Variants in CAT observed in about 807,000 individuals in gnomAD.
The protein encoded by CAT is catalase.
In CAT, 43 loss-of-function variants were observed where a neutral mutation model predicts 59.0. The observed-to-expected ratio is 0.73, with a 90% CI of 0.57 to 0.94. The LOEUF (loss-of-function observed/expected upper bound fraction) is 0.94, where lower values mean the gene tolerates loss of function less well. Among genes scored for constraint, CAT ranks in the 40% least tolerant of loss-of-function variants. The pLI is 0.00. For missense variants in CAT, 664 were observed against 682.9 expected, an observed-to-expected ratio of 0.97 and a Z score of 0.31; for synonymous variants, 218 against 230.9, an observed-to-expected ratio of 0.94 and a Z score of 0.51.
At chr11:34,447,042 C>T (rs1033206371) in intron 1 of CAT, among the ~76,000 whole-genome samples, 2 of 152,168 alleles carry the variant, frequency 1.3e-5, no homozygotes, top group African/African-American at 4.8e-5. Flanking sequence ...CCGCGCCCAG[C>T]CTGGATGTCC....
At chr11:34,445,656 A>G (rs903663979) in intron 1 of CAT, among the ~76,000 whole-genome samples, 2 of 152,050 alleles carry the variant, frequency 1.3e-5, no homozygotes, top group Non-Finnish European at 2.9e-5. Flanking sequence ...TATGGATGTC[A>G]TGGGAGCTAG....
At chr11:34,448,779 T>C (rs537744061) in intron 1 of CAT, among the ~76,000 whole-genome samples, 5 of 152,224 alleles carry the variant, frequency 3.3e-5, no homozygotes, top group African/African-American at 1.2e-4. Flanking sequence ...AAGTTCTGAG[T>C]AAAGTATTGA....
chr11:34,453,510 G>T (rs576686881), intron 5 of CAT, among the ~76,000 whole-genome samples: 1 of 152,284 alleles, frequency 6.6e-6, no homozygotes, highest in African/African-American at 2.4e-5. Flanking sequence ...AAACAAATTT[G>T]CTATGCAAAT....
chr11:34,461,728 A>G (rs529761691), intron 9 of CAT, among the ~76,000 whole-genome samples: 1 of 152,354 alleles, frequency 6.6e-6, no homozygotes, highest in Admixed American at 6.5e-5. Context: ...AAGACACTTC[A>G]CCAAAATGGA....
At position 34,444,028 on chromosome 11, in the gene CAT, G is replaced by T. The variant is rs752447123; in HGVS notation, c.66+4949G>T. On this transcript the variant is annotated intron_variant, in intron 1 of 12. Coordinates refer to ENST00000241052, the MANE Select transcript of CAT (RefSeq NM_001752.4). ...TTTTTAGCTTTTGCATGGTGGGTAG[G>T]TCTATGCAAACCTACCCCCAAAGTC... Among the ~76,000 whole-genome samples, 5 of 152,094 alleles carry T rather than the reference G, an allele frequency of 3.3e-5. No homozygotes were observed. The South Asian group carries it at 6.2e-4, about 19-fold the overall frequency.
At chr11:34,453,726 T>C in intron 5 of CAT, 75 bp from the exon 6 acceptor site, 1 of 1,422,940 alleles carries the variant, frequency 7.0e-7, no homozygotes, top group African/African-American at 1.4e-5. Flanking sequence ...TTCTGGAAAC[T>C]AAGGAATATC....
intron 4 of CAT, 123 bp from the exon 5 acceptor site, chr11:34,452,966 TA>T: frequency 1.4e-6 from 1 of 714,682 alleles, no homozygotes; most frequent in Non-Finnish European, 2.5e-6. Context: ...TTTGGCAGTT[TA>T]AAATTCTAGG....
chr11:34,455,757 A>G (rs752574450), intron 6 of CAT, among the ~76,000 whole-genome samples: 3 of 152,248 alleles, frequency 2.0e-5, no homozygotes, highest in Non-Finnish European at 4.4e-5. Flanking sequence ...GAATACATAA[A>G]GGGAAAGATA....
chr11:34,468,372 C>G lies in CAT; in HGVS notation c.1411C>G (p.Gln471Glu). Residue 471 changes from glutamine (Q) to glutamate (E), a missense_variant, in exon 11 of 13, where the codon CAA (glutamine) becomes GAA (glutamate). Physicochemically the swap from Gln to Glu is conservative, Grantham distance 29. Transcript: ENST00000241052. Reference sequence around the variant, plus strand: ...CATTGCCGGCCACCTGAAGGATGCACAAATTTTCATCCAGAAGAAAGCGGT... The same window carrying G: ...CATTGCCGGCCACCTGAAGGATGCAGAAATTTTCATCCAGAAGAAAGCGGT... ...ENIAGHLKDA[Q>E]IFIQKKAVKN... is the part of the protein sequence containing the mutation. 6.2e-7 allele frequency: 1 copy of G among 1,613,756 alleles called. No individual in the cohort carries two copies. Among genetic ancestry groups the G allele is most frequent in the Non-Finnish European group, 8.5e-7 (1 of 1,179,692 alleles).
At chr11:34,470,443 G>A (rs1381981563) in intron 11 of CAT, among the ~76,000 whole-genome samples, 1 of 152,036 alleles carries the variant, frequency 6.6e-6, no homozygotes, top group African/African-American at 2.4e-5. Flanking sequence ...TGAAATTATT[G>A]GCTATGGGTG....
At chr11:34,461,483 C>A in intron 9 of CAT, 94 bp downstream of exon 9, 1 of 1,435,036 alleles carries the variant, frequency 7.0e-7, no homozygotes, top group Non-Finnish European at 9.8e-7. Flanking sequence ...AAGCTGGCCC[C>A]GCAGGACCTC....
rs141451783 is a variant in CAT at position 34,471,512 on chromosome 11, G to T, written c.*79G>T. 1.7e-6 allele frequency: 2 copies of T among 1,198,936 alleles called. No individual in the cohort carries two copies. Among genetic ancestry groups the T allele is most frequent in the Non-Finnish European group, 1.2e-6 (1 of 801,326 alleles). 74.3% of individuals were successfully genotyped at this position (1,198,936 alleles called of 1,614,324 possible). ...CTCATCACTGGATGAAGATTCTCCT[G>T]TGCTAGATGTGCAAATGCAAGCTAG... On this transcript the variant is annotated 3_prime_UTR_variant, in exon 13 of 13. Transcript: ENST00000241052.
rs746119995 is a variant in CAT, at chr11:34,456,139, C to T, written c.840C>T (p.Tyr280=). The T allele has an allele frequency of 6.2e-7, 1 of 1,613,930 alleles. No individual in the cohort carries two copies. Among genetic ancestry groups the T allele is most frequent in the South Asian group, 1.1e-5 (1 of 91,060 alleles). Residue 280 remains tyrosine, a synonymous_variant, in exon 7 of 13, where the codon TAC becomes TAT. Transcript: ENST00000241052. Reference sequence around the variant, plus strand: ...GAAAGTACCCCTCCTGGACTTTTTACATCCAGGTCATGACATTTAATCAGG... The same window carrying T: ...GAAAGTACCCCTCCTGGACTTTTTATATCCAGGTCATGACATTTAATCAGG... ...ATGKYPSWTF[Y]IQVMTFNQAE... is the part of the protein sequence containing the mutation.
intron 1 of CAT, 31 bp downstream of exon 1, chr11:34,439,110 A>C: frequency 6.4e-7 from 1 of 1,557,546 alleles, no homozygotes; most frequent in Non-Finnish European, 8.7e-7. Flanking sequence ...GCGGGCCCGA[A>C]GGTCCGTTTA....
intron 6 of CAT, among the ~76,000 whole-genome samples, chr11:34,455,725 G>T (rs1354798422): frequency 6.6e-6 from 1 of 152,164 alleles, no homozygotes; most frequent in Non-Finnish European, 1.5e-5. Context: ...AAAGTAACAT[G>T]AGTGTAAAAA....
chr11:34,448,077 C>T (rs573268959), intron 1 of CAT, among the ~76,000 whole-genome samples: 3 of 152,298 alleles, frequency 2.0e-5, no homozygotes, highest in South Asian at 2.1e-4. Context: ...TTTTTTCAAA[C>T]AGCTCACAGA....
intron 10 of CAT, among the ~76,000 whole-genome samples, chr11:34,464,725 A>AT (rs1027903363): frequency 6.6e-6 from 1 of 151,132 alleles, no homozygotes; most frequent in African/African-American, 2.4e-5. Flanking sequence ...CTAATTGATT[A>AT]TTTTTACCAC....
intron 8 of CAT, among the ~76,000 whole-genome samples, chr11:34,458,338 G>A (rs897677596): frequency 1.3e-5 from 2 of 152,190 alleles, no homozygotes; most frequent in African/African-American, 4.8e-5. Flanking sequence ...TTAAATGCTT[G>A]AGTAGGAGTG....
chr11:34,465,712 A>T (rs1367306602), intron 10 of CAT, among the ~76,000 whole-genome samples: 1 of 152,222 alleles, frequency 6.6e-6, no homozygotes, highest in Non-Finnish European at 1.5e-5. Flanking sequence ...TGGGAAATAC[A>T]TAAGAAGGTC....
Sources: allele counts gnomAD v4.1 joint callset (sites outside exome capture counted in the v4.1 genomes callset), GRCh38; gene constraint gnomAD v4.1.1; transcripts MANE v1.5; gene names NCBI Gene and HGNC (gene_info 2026-07-23, HGNC 2026-07-21).